The following TBL1XR1 variants were observed in gnomAD, a reference collection of about 807,000 sequenced individuals.
The protein encoded by TBL1XR1 is F-box-like/WD repeat-containing protein TBL1XR1.
TBL1XR1 carries 5 observed loss-of-function variants against 66.9 expected under a neutral mutation model. The ratio of observed to expected loss-of-function variants is 0.07; its 90% CI spans 0.04 to 0.16. The LOEUF (loss-of-function observed/expected upper bound fraction) is 0.16. Among genes scored for constraint, TBL1XR1 ranks in the 10% least tolerant of loss-of-function variants. TBL1XR1 has a pLI of 1.00. For missense variants in TBL1XR1, 238 were observed against 623.2 expected (o/e 0.38, Z 6.58); for synonymous variants, 210 against 206.0 (o/e 1.02, Z -0.17).
intron 5 of TBL1XR1, among the ~76,000 whole-genome samples, chr3:177,050,978 G>A (rs987947706): frequency 6.6e-6 from 1 of 152,000 alleles, no homozygotes; most frequent in African/African-American, 2.4e-5. Context: ...TATAACATGA[G>A]TTGCCTTTTA....
chr3:177,040,094 A>G (rs1715370841), intron 10 of TBL1XR1, among the ~76,000 whole-genome samples: 1 of 152,162 alleles, frequency 6.6e-6, no homozygotes, highest in Non-Finnish European at 1.5e-5. Flanking sequence ...AAGGCAGGAG[A>G]ACTGTTTGAG....
chr3:177,172,744 AG>A (rs1733718285), intron 1 of TBL1XR1, among the ~76,000 whole-genome samples: 1 of 151,828 alleles, frequency 6.6e-6, no homozygotes, highest in Non-Finnish European at 1.5e-5. Flanking sequence ...GCCAAGCCAT[AG>A]TAAGTATTGC....
At chr3:177,055,644 T>A (rs1695148241) in intron 3 of TBL1XR1, among the ~76,000 whole-genome samples, 1 of 151,846 alleles carries the variant, frequency 6.6e-6, no homozygotes, top group Non-Finnish European at 1.5e-5. Context: ...AGATTCCAGA[T>A]CACCAAGGCA....
At chr3:177,194,507 A>C (rs1050460152) in intron 1 of TBL1XR1, among the ~76,000 whole-genome samples, 1 of 152,202 alleles carries the variant, frequency 6.6e-6, no homozygotes, top group Admixed American at 6.5e-5. Context: ...AACCAACTTC[A>C]TCAAAATGTG....
At chr3:177,053,067 A>G (rs752720915) in intron 4 of TBL1XR1, among the ~76,000 whole-genome samples, 1 of 152,190 alleles carries the variant, frequency 6.6e-6, no homozygotes, top group African/African-American at 2.4e-5. Context: ...GTGCCACCAC[A>G]CTCCAGCCTG....
At chr3:177,060,686 T>C (rs950272352) in intron 3 of TBL1XR1, among the ~76,000 whole-genome samples, 2 of 152,202 alleles carry the variant, frequency 1.3e-5, no homozygotes, top group Non-Finnish European at 2.9e-5. Context: ...AAGTCAATGG[T>C]GACGCAAAAG....
intron 12 of TBL1XR1, chr3:177,037,808 C>CCATCCA: frequency 7.9e-6 from 2 of 252,542 alleles, no homozygotes; most frequent in Non-Finnish European, 1.5e-5. Context: ...ATCCATCCAT[C>CCATCCA]TTCTTATTGG....
chr3:177,171,621 T>G (rs1321141387), intron 1 of TBL1XR1, among the ~76,000 whole-genome samples: 1 of 135,916 alleles, frequency 7.4e-6, no homozygotes, highest in Non-Finnish European at 1.5e-5. Context: ...GAGAATGGTG[T>G]GAACCCGGGA....
Position 177,038,336 on chromosome 3 carries a change from T to C in TBL1XR1, c.1024A>G (p.Ile342Val), listed in dbSNP as rs1238752953. ...HVCKLGQDRP[I>V]KTFQGHTNEV... The stretch of plus-strand genomic sequence containing the variant: ...ACCGTATGTCCTTGGAATGTTTTAA[T>C]AGGTCTGTCTTGTCCTAATTTACAG... Residue 342 changes from isoleucine to valine, a missense_variant, in exon 11 of 16, where the codon ATT becomes GTT. By Grantham distance (29) the Ile-to-Val change is conservative (BLOSUM62 3). Transcript: ENST00000457928. The C allele has an allele frequency of 6.3e-7, 1 of 1,595,310 alleles. No homozygotes were observed. Among genetic ancestry groups the C allele is most frequent in the Non-Finnish European group, 8.5e-7 (1 of 1,169,640 alleles).
At chr3:177,112,102 TATA>T (rs1302791914) in intron 1 of TBL1XR1, among the ~76,000 whole-genome samples, 75 of 57,658 alleles carry the variant, frequency 1.3e-3, no homozygotes, top group African/African-American at 2.0e-3. Flanking sequence ...TATATATATA[TATA>T]TATTTTTTTT....
At chr3:177,143,509 A>T (rs1729875096) in intron 1 of TBL1XR1, among the ~76,000 whole-genome samples, 1 of 152,282 alleles carries the variant, frequency 6.6e-6, no homozygotes, top group South Asian at 2.1e-4. Context: ...GGGCAGGGGG[A>T]TATTTATTCC....
At chr3:177,194,457 A>G (rs1388380310) in intron 1 of TBL1XR1, among the ~76,000 whole-genome samples, 1 of 152,214 alleles carries the variant, frequency 6.6e-6, no homozygotes, top group Admixed American at 6.5e-5. Flanking sequence ...CTTTTTATAT[A>G]AATGACACCA....
At chr3:177,130,094 G>A (rs1307917217) in intron 1 of TBL1XR1, among the ~76,000 whole-genome samples, 9 of 139,462 alleles carry the variant, frequency 6.5e-5, no homozygotes, top group African/African-American at 8.0e-5. Context: ...GCAGTGAGCC[G>A]AGATCACGCC....
chr3:177,163,153 T>C (rs1002418279), intron 1 of TBL1XR1, among the ~76,000 whole-genome samples: 1 of 152,082 alleles, frequency 6.6e-6, no homozygotes, highest in Non-Finnish European at 1.5e-5. Flanking sequence ...TATCCATCAA[T>C]GAAGGGACCG....
intron 1 of TBL1XR1, among the ~76,000 whole-genome samples, chr3:177,105,696 C>T (rs1039278992): frequency 1.3e-5 from 2 of 152,146 alleles, no homozygotes; most frequent in African/African-American, 4.8e-5. Flanking sequence ...CTAACTATGA[C>T]GTGGTGAGCC....
chr3:177,147,521 C>T (rs954054133), intron 1 of TBL1XR1, among the ~76,000 whole-genome samples: 4 of 152,184 alleles, frequency 2.6e-5, no homozygotes, highest in Non-Finnish European at 5.9e-5. Flanking sequence ...ATTAGTTTTA[C>T]TCTGAAAGGG....
At chr3:177,155,001 A>T (rs957526720) in intron 1 of TBL1XR1, among the ~76,000 whole-genome samples, 1 of 152,206 alleles carries the variant, frequency 6.6e-6, no homozygotes, top group African/African-American at 2.4e-5. Context: ...TCAGATAAAC[A>T]TATTCCTAAA....
intron 1 of TBL1XR1, among the ~76,000 whole-genome samples, chr3:177,130,773 A>G (rs1439961856): frequency 6.6e-6 from 1 of 152,248 alleles, no homozygotes; most frequent in African/African-American, 2.4e-5. Flanking sequence ...AGCCCAGACT[A>G]AAACAATTGT....
At chr3:177,085,580 TAA>T (rs1438460569) in intron 2 of TBL1XR1, among the ~76,000 whole-genome samples, 3 of 151,614 alleles carry the variant, frequency 2.0e-5, no homozygotes, top group African/African-American at 7.3e-5. Flanking sequence ...GTAGACACGA[TAA>T]AAAAAAGTTT....
Sources: allele counts gnomAD v4.1 joint callset (sites outside exome capture counted in the v4.1 genomes callset), GRCh38; gene constraint gnomAD v4.1.1; transcripts MANE v1.5; gene names NCBI Gene and HGNC (gene_info 2026-07-23, HGNC 2026-07-21).